Variants in ZNF217 observed in about 807,000 individuals in gnomAD.
The protein encoded by ZNF217 is zinc finger protein 217.
In ZNF217, 12 loss-of-function variants were observed where a neutral mutation model predicts 73.3. That is an observed-to-expected ratio of 0.16 (90% CI 0.10 to 0.27). The LOEUF (loss-of-function observed/expected upper bound fraction) is 0.27, where lower values mean the gene tolerates loss of function less well. Ranked by LOEUF, ZNF217 falls within the 10% of genes least tolerant of loss-of-function variation. ZNF217 has a pLI of 1.00. For synonymous variants in ZNF217, 588 were observed against 516.4 expected, an observed-to-expected ratio of 1.14 and a Z score of -1.88; for missense variants, 1,195 against 1,327.8, an observed-to-expected ratio of 0.90 and a Z score of 1.55.
intron 5 of ZNF217, 44 bp downstream of exon 5, chr20:53,571,677 C>T (rs1355275607): frequency 3.8e-6 from 6 of 1,571,774 alleles, no homozygotes; most frequent in African/African-American, 1.4e-5. Context: ...AAATGGCCAC[C>T]GCACTCAGCC....
chr20:53,576,833 T>C lies in ZNF217; in HGVS notation c.1931A>G (p.Lys644Arg). The C allele has an allele frequency of 1.2e-6, 2 of 1,614,216 alleles. No individual in the cohort carries two copies. The highest frequency in any genetic ancestry group is 1.7e-6 in the Non-Finnish European group (2 of 1,180,048). ...TQANNLICRT[K>R]ADVTPPPDGS... Reference sequence around the variant, plus strand: ...ATCCGGAGGAGGAGTAACATCCGCCTTGGTTCTACAGATGAGGTTATTTGC... The same window carrying C: ...ATCCGGAGGAGGAGTAACATCCGCCCTGGTTCTACAGATGAGGTTATTTGC... Residue 644 changes from lysine to arginine, a missense_variant, in exon 4 of 6, where the codon AAG becomes AGG. Lys to Arg is a conservative substitution (Grantham distance 26). This residue lies in a region of ZNF217 where 649 missense variants were observed against 642.8 expected (regional missense o/e 1.01). Transcript: ENST00000371471.
rs149843666 is a variant in ZNF217, at chr20:53,581,247, TAACTC to T, written c.1366+209_1366+213del. On this transcript the variant is annotated intron_variant, in intron 2 of 5. Coordinates refer to ENST00000371471, the MANE Select transcript of ZNF217 (RefSeq NM_006526.3). The surrounding 1 kb of genome is among the most constrained non-coding windows in gnomAD (Gnocchi z 4.9). ...ATATTTTCAGAACAAGGAGACCTCT[TAACTC>T]AACCCTGTTATTACAGAAATGAGAA... 9.9e-5 allele frequency among the ~76,000 whole-genome samples: 15 copies of T among 152,228 alleles called. No individual in the cohort carries two copies. In the East Asian group the frequency reaches 2.9e-3, roughly 29 times the overall value.
Position 53,576,544 on chromosome 20 carries a change from A to G in ZNF217, c.2220T>C (p.His740=). The change falls in exon 4 of 6, where the codon CAT becomes CAC. Residue 740 remains histidine (H), a synonymous_variant. Coordinates refer to ENST00000371471, the MANE Select transcript of ZNF217 (RefSeq NM_006526.3). The part of the protein sequence containing the change: ...RLEHKYNPDV[H]KNCRNKSLLR... ...GCAAGGACTTGTTTCGACAGTTTTT[A>G]TGAACGTCAGGATTGTATTTATGCT... 6.2e-7 allele frequency: 1 copy of G among 1,614,224 alleles called. No homozygotes were observed. The highest frequency in any genetic ancestry group is 1.1e-5 in the South Asian group (1 of 91,086).
intron 3 of ZNF217, 28 bp from the exon 4 acceptor site, chr20:53,577,308 AGAAGTGTAT>A (rs751909960): frequency 6.4e-7 from 1 of 1,570,606 alleles, no homozygotes; most frequent in South Asian, 1.1e-5. Context: ...ACTTTATTAT[AGAAGTGTAT>A]GAAAAGCACT....
rs767207659 is a variant in ZNF217 at position 53,575,716 on chromosome 20, T to C, written c.3037+11A>G. 1 of 1,548,850 alleles carries C rather than the reference T, an allele frequency of 6.5e-7. No individual in the cohort carries two copies. Among genetic ancestry groups the C allele is most frequent in the Non-Finnish European group, 8.7e-7 (1 of 1,150,214 alleles). On this transcript the variant is annotated intron_variant, in intron 4 of 5. Coordinates refer to ENST00000371471, the MANE Select transcript of ZNF217 (RefSeq NM_006526.3). ...GGCAGCCATTTAAACACGACGCCCC[T>C]CATGCAATACCTTCTAACGTCGAGC...
At position 53,582,193 on chromosome 20, in the gene ZNF217, A is replaced by C. The variant is rs1359873954; in HGVS notation, c.634T>G (p.Ser212Ala). Residue 212 changes from serine (S) to alanine (A), a missense_variant, in exon 2 of 6, where the codon TCC becomes GCC. This residue lies in a region of ZNF217 where 126 missense variants were observed against 114.4 expected (regional missense o/e 1.10). Transcript: ENST00000371471. This position sits in a 1 kb window ranked among gnomAD's most constrained non-coding sequence, Gnocchi z 4.8. Reference protein sequence around the residue: ...VVQVHAAESISSPYKICMVCG... With the variant: ...VVQVHAAESIASPYKICMVCG... ...ACCATGCAGATTTTGTAAGGAGAGG[A>C]GATGCTCTCGGCCGCGTGCACCTGG... The C allele has an allele frequency of 3.1e-6, 5 of 1,614,066 alleles. No homozygotes were observed. Among genetic ancestry groups the C allele is most frequent in the Non-Finnish European group, 3.4e-6 (4 of 1,180,038 alleles).
At chr20:53,577,361 A>C (rs1988323032) in intron 3 of ZNF217, 81 bp from the exon 4 acceptor site, 4 of 1,287,708 alleles carry the variant, frequency 3.1e-6, no homozygotes, top group African/African-American at 1.5e-5. Flanking sequence ...TTAAGAAAAC[A>C]GGCTTCTTTC....
chr20:53,589,984 A>C (rs998809486), intron 1 of ZNF217, among the ~76,000 whole-genome samples: 1 of 146,818 alleles, frequency 6.8e-6, no homozygotes, highest in African/African-American at 2.5e-5. Flanking sequence ...ACATGCTGTA[A>C]CCAAACCCTT....
At chr20:53,570,142 A>G (rs1466730277) in intron 5 of ZNF217, 4 of 152,298 alleles carry the variant, frequency 2.6e-5, no homozygotes, top group Non-Finnish European at 1.5e-5. Context: ...GCTTCGAGTA[A>G]CCTGTTACTA....
At chr20:53,595,680 C>T (rs1180971307), upstream of ZNF217, among the ~76,000 whole-genome samples, 1 of 152,136 alleles carries the variant, frequency 6.6e-6, no homozygotes, top group African/African-American at 2.4e-5. Context: ...TTTTTTTTCA[C>T]TCAAGTCCAC....
chr20:53,597,097 G>GAA (rs1161731962), upstream of ZNF217, among the ~76,000 whole-genome samples: 1 of 102,964 alleles, frequency 9.7e-6, no homozygotes. Context: ...AAAAAAAAAA[G>GAA]AAAAAAAAAA....
upstream of ZNF217, among the ~76,000 whole-genome samples, chr20:53,596,229 G>A (rs1189959787): frequency 1.4e-5 from 2 of 139,016 alleles, no homozygotes; most frequent in Non-Finnish European, 3.2e-5. Context: ...TTACTGTTTC[G>A]CCGCCTCTCT....
intron 1 of ZNF217, among the ~76,000 whole-genome samples, chr20:53,590,585 T>C (rs1429279988): frequency 2.0e-5 from 3 of 152,114 alleles, no homozygotes; most frequent in Non-Finnish European, 4.4e-5. Context: ...AATATCATGT[T>C]TGTGACAACT....
At chr20:53,573,874 C>T (rs1988125013) in intron 4 of ZNF217, among the ~76,000 whole-genome samples, 1 of 152,212 alleles carries the variant, frequency 6.6e-6, no homozygotes, top group East Asian at 1.9e-4. Flanking sequence ...AGTTCGAGAC[C>T]AGCCTGACCA....
At chr20:53,573,035 C>A (rs1988082592) in intron 4 of ZNF217, among the ~76,000 whole-genome samples, 2 of 152,274 alleles carry the variant, frequency 1.3e-5, no homozygotes, top group African/African-American at 4.8e-5. Flanking sequence ...CCCCCACCAC[C>A]CCAGCCAACA....
rs911936641 is a variant in ZNF217 at position 53,567,364 on chromosome 20, A to G, written c.*1924T>C. 11 of 152,668 alleles carry G rather than the reference A, an allele frequency of 7.2e-5. No individual in the cohort carries two copies. The highest frequency in any genetic ancestry group is 2.7e-4 in the African/African-American group (11 of 41,478). 9.5% of individuals were successfully genotyped at this position (152,668 alleles called of 1,614,324 possible). A position where few individuals can be genotyped will look rare whatever the true frequency, so the allele number is the denominator to read the frequency against. On this transcript the variant is annotated 3_prime_UTR_variant, in exon 6 of 6. Coordinates refer to ENST00000371471, the MANE Select transcript of ZNF217 (RefSeq NM_006526.3). ...AAGTACAAAGGGCTGTAGGAAAATA[A>G]TTGGTATTTTTATACATTCAGAAAT...
intron 5 of ZNF217, chr20:53,570,256 C>T (rs1987935507): frequency 1.3e-5 from 2 of 152,662 alleles, no homozygotes; most frequent in South Asian, 4.1e-4. Context: ...TGTTCTTCAT[C>T]TATTATCCTA....
Position 53,593,806 on chromosome 20 carries a change from G to GATC in ZNF217, c.-394_-393insGAT, listed in dbSNP as rs1988974546. 1 of 149,124 alleles carries GATC rather than the reference G, an allele frequency of 6.7e-6. No homozygotes were observed. The highest frequency in any genetic ancestry group is 6.6e-5 in the Admixed American group (1 of 15,130). The allele number at this position is 149,124 out of a possible 1,614,324, so 9.2% of individuals were successfully genotyped here. On this transcript the variant is annotated 5_prime_UTR_variant, in exon 1 of 6. Coordinates refer to ENST00000371471, the MANE Select transcript of ZNF217 (RefSeq NM_006526.3). Reference sequence around the variant, plus strand: ...TCCTCGCGCGGCGGCGGCCGGGACTGAGCTGACACCACTCGGGCCGGCCGG... The same window carrying GATC: ...TCCTCGCGCGGCGGCGGCCGGGACTGATCAGCTGACACCACTCGGGCCGGCCGG...
chr20:53,571,973 C>T (rs763417228), intron 4 of ZNF217, 120 bp from the exon 5 acceptor site: 2 of 959,214 alleles, frequency 2.1e-6, no homozygotes, highest in Non-Finnish European at 2.9e-6. Flanking sequence ...ACGCCTAAGT[C>T]ACACAGTCGC....
Sources: gnomAD v4.1 joint callset for allele counts (sites outside exome capture counted in the v4.1 genomes callset) on GRCh38, gnomAD v4.1.1 for gene constraint, gnomAD v4.1.1 regional missense constraint, Gnocchi (gnomAD v3.1) non-coding constraint, MANE v1.5 for transcripts, NCBI Gene and HGNC (gene_info 2026-07-23, HGNC 2026-07-21) for gene names.